The following KAZN variants were observed in gnomAD, a reference collection of about 807,000 sequenced individuals.
KAZN encodes the protein kazrin.
In KAZN, 40 loss-of-function variants were observed where a neutral mutation model predicts 87.4. The observed-to-expected ratio is 0.46, with a 90% CI of 0.36 to 0.60. The LOEUF is 0.60. KAZN is among the 20% of genes least tolerant of loss of function. The probability of loss-of-function intolerance (pLI) is 0.00; values close to 1 mark genes in which losing one functional copy is unlikely to be tolerated. For missense variants in KAZN, 898 were observed against 1,073.9 expected (o/e 0.84, Z 2.29); for synonymous variants, 466 against 458.3 (o/e 1.02, Z -0.22).
Position 14,599,174 on chromosome 1 carries a change from G to T in KAZN, c.177G>T (p.Ala59=). Residue 59 remains alanine, a synonymous_variant, in exon 1 of 15, where the codon GCG becomes GCT. Coordinates refer to ENST00000376030, the MANE Select transcript of KAZN (RefSeq NM_201628.3). This position sits in a 1 kb window ranked among gnomAD's most constrained non-coding sequence, Gnocchi z 4.4. ...GAGCCGCGGCCAGCGCCTCGGCGGC[G>T]GGGGACTCGGCGGCGACGAACATGG... ...GPGAAASASA[A]GDSAATNMEN... 1 of 1,379,266 alleles carries T rather than the reference G, an allele frequency of 7.3e-7. No individual in the cohort carries two copies. The highest frequency in any genetic ancestry group is 1.9e-5 in the South Asian group (1 of 52,576). The allele number at this position is 1,379,266 out of a possible 1,614,324, so 85.4% of individuals were successfully genotyped here.
intron 2 of KAZN, among the ~76,000 whole-genome samples, chr1:14,475,719 G>A (rs1668680437): frequency 6.6e-6 from 1 of 152,324 alleles, no homozygotes; most frequent in East Asian, 1.9e-4. Flanking sequence ...TTGTGAGTAT[G>A]TGTGAATAAT....
At chr1:14,344,163 C>CTTTTTTTTTTT (rs55837460) in intron 2 of KAZN, among the ~76,000 whole-genome samples, 1 of 122,604 alleles carries the variant, frequency 8.2e-6, no homozygotes, top group Non-Finnish European at 1.7e-5. Flanking sequence ...TTCATGTATT[C>CTTTTTTTTTTT]TTTTTTTTTT....
intron 1 of KAZN, among the ~76,000 whole-genome samples, chr1:14,838,133 C>T (rs541831761): frequency 6.6e-6 from 1 of 152,278 alleles, no homozygotes; most frequent in Non-Finnish European, 1.5e-5. Flanking sequence ...GGGCTGTACC[C>T]TCCGGAGGGG....
Position 14,998,259 on chromosome 1 carries a change from A to T in KAZN, c.419-36490A>T, listed in dbSNP as rs989538646. 2.0e-5 allele frequency among the ~76,000 whole-genome samples: 3 copies of T among 152,178 alleles called. No individual in the cohort carries two copies. The East Asian group carries it at 5.8e-4, about 29-fold the overall frequency. ...ATGCTCCAAAGATTAGCCTGTGTGA[A>T]GGTTTGGGAATCCGCTGCAATATGG... On this transcript the variant is annotated intron_variant, in intron 2 of 14. Coordinates refer to ENST00000376030, the MANE Select transcript of KAZN (RefSeq NM_201628.3).
At chr1:14,349,743 T>G (rs894580978) in intron 2 of KAZN, among the ~76,000 whole-genome samples, 3 of 152,114 alleles carry the variant, frequency 2.0e-5, no homozygotes, top group African/African-American at 7.2e-5. Context: ...GATTATAATG[T>G]AGCTGATCAG....
intron 2 of KAZN, among the ~76,000 whole-genome samples, chr1:14,545,415 A>G (rs532122044): frequency 1.3e-5 from 2 of 152,304 alleles, no homozygotes; most frequent in African/African-American, 4.8e-5. Context: ...TTGGAATCCT[A>G]GCTCCACCAC....
At chr1:14,550,746 CCCG>C (rs1292979654) in intron 2 of KAZN, among the ~76,000 whole-genome samples, 863 of 72,156 alleles carry the variant, frequency 0.012, 31 homozygotes, top group South Asian at 0.062. Flanking sequence ...TCTCCCCCAC[CCCG>C]CCACCCCCTC....
intron 2 of KAZN, among the ~76,000 whole-genome samples, chr1:14,998,302 G>T (rs1010453907): frequency 6.6e-6 from 1 of 152,148 alleles, no homozygotes; most frequent in African/African-American, 2.4e-5. Context: ...GGCCTTCTCT[G>T]CGTCTTCTGT....
chr1:14,151,974 T>G (rs767873959), intron 1 of KAZN, among the ~76,000 whole-genome samples: 1 of 152,254 alleles, frequency 6.6e-6, no homozygotes, highest in Non-Finnish European at 1.5e-5. Flanking sequence ...TTTCCTGTTT[T>G]TTTGTTTAAG....
chr1:14,788,304 C>T (rs116272941), intron 1 of KAZN, among the ~76,000 whole-genome samples: 26 of 152,174 alleles, frequency 1.7e-4, no homozygotes, highest in Non-Finnish European at 3.5e-4. Context: ...TCCAGGAGCA[C>T]GGCCAAAAGA....
At chr1:14,880,344 A>G (rs893859512) in intron 1 of KAZN, among the ~76,000 whole-genome samples, 3 of 152,188 alleles carry the variant, frequency 2.0e-5, no homozygotes, top group Non-Finnish European at 4.4e-5. Flanking sequence ...TGCCCGAGGA[A>G]AAGTATGTAG....
rs530663653 is a variant in KAZN, at chr1:14,924,654, C to G, written c.227-36030C>G. ...CCGGGGCCGGGCGCGCGAGGGCGCT[C>G]GGAGCCGGGATCGGGAAGCCGCTGG... On this transcript the variant is annotated intron_variant, in intron 1 of 14. Coordinates refer to ENST00000376030, the MANE Select transcript of KAZN (RefSeq NM_201628.3). 5,356 of 806,434 alleles carry G rather than the reference C, an allele frequency of 6.6e-3. 18 individuals are homozygous for G. Among genetic ancestry groups the G allele is most frequent in the Non-Finnish European group, 7.7e-3 (5,122 of 663,780 alleles). The allele number at this position is 806,434 out of a possible 1,614,324, so 50.0% of individuals were successfully genotyped here.
rs71572122 is a variant in KAZN at position 14,782,554 on chromosome 1, C to CAA, written c.227-178107_227-178106dup. 2.3e-3 allele frequency among the ~76,000 whole-genome samples: 155 copies of CAA among 66,252 alleles called. 4 individuals carry two copies. Among genetic ancestry groups the CAA allele is most frequent in the African/African-American group, 7.1e-3 (121 of 17,120 alleles). The allele number at this position is 66,252 out of a possible 152,430, so 43.5% of individuals were successfully genotyped here. A position where few individuals can be genotyped will look rare whatever the true frequency, so the allele number is the denominator to read the frequency against. ...CAGGGCAAGACTCCACCTCAAAGAGCAAAAAAAAAAAAAAAAAAAAAAAAG... is the reference window on the plus strand; with the variant it reads ...CAGGGCAAGACTCCACCTCAAAGAGCAAAAAAAAAAAAAAAAAAAAAAAAAAG... On this transcript the variant is annotated intron_variant, in intron 1 of 14. Coordinates refer to ENST00000376030, the MANE Select transcript of KAZN (RefSeq NM_201628.3).
chr1:13,916,450 G>A (rs1459637068), intron 1 of KAZN, among the ~76,000 whole-genome samples: 1 of 152,132 alleles, frequency 6.6e-6, no homozygotes, highest in East Asian at 1.9e-4. Flanking sequence ...GCTTAGTATG[G>A]ATGGTAGGTG....
At chr1:14,798,473 T>A (rs1233159450) in intron 1 of KAZN, among the ~76,000 whole-genome samples, 5 of 92,224 alleles carry the variant, frequency 5.4e-5, no homozygotes, top group Non-Finnish European at 9.8e-5. Flanking sequence ...TGTCACCCAG[T>A]CTAGAGTGCA....
At chr1:14,045,150 G>A (rs796450247) in intron 1 of KAZN, among the ~76,000 whole-genome samples, 11 of 152,320 alleles carry the variant, frequency 7.2e-5, no homozygotes, top group African/African-American at 2.6e-4. Flanking sequence ...TTGGATCAGA[G>A]ATGAACTGCC....
chr1:14,195,509 G>GCACACACACA (rs1272782243), intron 2 of KAZN, among the ~76,000 whole-genome samples: 1 of 38,230 alleles, frequency 2.6e-5, no homozygotes, highest in South Asian at 9.9e-4. Context: ...TACAAAAACG[G>GCACACACACA]CTCACACACA....
At chr1:14,619,138 T>C (rs2148636555) in intron 1 of KAZN, among the ~76,000 whole-genome samples, 1 of 151,842 alleles carries the variant, frequency 6.6e-6, no homozygotes, top group South Asian at 2.1e-4. Flanking sequence ...AAGGTTCTGA[T>C]AAACTAAGAA....
intron 2 of KAZN, among the ~76,000 whole-genome samples, chr1:15,020,424 T>A (rs1670549512): frequency 6.6e-6 from 1 of 152,202 alleles, no homozygotes; most frequent in Non-Finnish European, 1.5e-5. Context: ...CCTGTGCACC[T>A]TTCTTGCCAC....
Sources: allele counts gnomAD v4.1 joint callset (sites outside exome capture counted in the v4.1 genomes callset), GRCh38; gene constraint gnomAD v4.1.1; non-coding constraint Gnocchi (gnomAD v3.1); transcripts MANE v1.5; gene names NCBI Gene and HGNC (gene_info 2026-07-23, HGNC 2026-07-21).